Variants in B3GALT1 observed in about 807,000 individuals in gnomAD.
B3GALT1 encodes the protein beta-1,3-galactosyltransferase 1.
In B3GALT1, 10 loss-of-function variants were observed where a neutral mutation model predicts 23.2. That is an observed-to-expected ratio of 0.43 (90% CI 0.27 to 0.73). The LOEUF (loss-of-function observed/expected upper bound fraction) is 0.73. Among genes scored for constraint, B3GALT1 ranks in the 30% least tolerant of loss-of-function variants. The pLI, the probability that B3GALT1 is intolerant of heterozygous loss-of-function variation, is 0.21. For missense variants in B3GALT1, 299 were observed against 405.4 expected (o/e 0.74, Z 2.25); for synonymous variants, 156 against 141.5 (o/e 1.10, Z -0.73).
chr2:167,716,849 G>T (rs1022285617), intron 3 of B3GALT1, among the ~76,000 whole-genome samples: 4 of 151,890 alleles, frequency 2.6e-5, no homozygotes, highest in African/African-American at 9.7e-5. Flanking sequence ...TTTTTTGGTT[G>T]CATTTTATAG....
At chr2:167,507,204 A>G (rs1250201628) in intron 2 of B3GALT1, among the ~76,000 whole-genome samples, 1 of 152,120 alleles carries the variant, frequency 6.6e-6, no homozygotes, top group Non-Finnish European at 1.5e-5. Flanking sequence ...ATCTTGGTGA[A>G]TATTAAAAAG....
At chr2:167,731,417 C>T (rs760912747) in intron 3 of B3GALT1, among the ~76,000 whole-genome samples, 4 of 152,174 alleles carry the variant, frequency 2.6e-5, no homozygotes, top group Non-Finnish European at 4.4e-5. Flanking sequence ...TGTGTACCCC[C>T]AGGATCATCA....
intron 3 of B3GALT1, among the ~76,000 whole-genome samples, chr2:167,807,077 T>G (rs887593124): frequency 1.3e-5 from 2 of 151,554 alleles, no homozygotes; most frequent in African/African-American, 4.9e-5. Context: ...ATCCATTTCT[T>G]CTAGATTTTC....
intron 3 of B3GALT1, among the ~76,000 whole-genome samples, chr2:167,757,846 A>G (rs866013524): frequency 7.9e-5 from 12 of 152,254 alleles, no homozygotes; most frequent in Middle Eastern, 3.4e-3. Flanking sequence ...ACCCAGATGA[A>G]GGAAAAGAGC....
chr2:167,460,884 C>T (rs532946639), intron 1 of B3GALT1, among the ~76,000 whole-genome samples: 1 of 152,218 alleles, frequency 6.6e-6, no homozygotes, highest in African/African-American at 2.4e-5. Context: ...TGTGCCTTTC[C>T]CTGAGCTTGT....
At chr2:167,858,833 C>T (rs1690046973) in intron 4 of B3GALT1, among the ~76,000 whole-genome samples, 1 of 152,134 alleles carries the variant, frequency 6.6e-6, no homozygotes. Flanking sequence ...CATGTATTAT[C>T]AGTCGCTGCA....
chr2:167,739,201 T>C (rs918724141), intron 3 of B3GALT1, among the ~76,000 whole-genome samples: 1 of 152,228 alleles, frequency 6.6e-6, no homozygotes, highest in Non-Finnish European at 1.5e-5. Flanking sequence ...TTAAATTAAA[T>C]TGTTGTTTCT....
intron 1 of B3GALT1, among the ~76,000 whole-genome samples, chr2:167,359,767 CTT>C (rs34142201): frequency 0.017 from 2,497 of 146,044 alleles, 16 homozygotes; most frequent in Non-Finnish European, 0.025. Context: ...TGCCCTTCAT[CTT>C]TTTTTTTTTT....
chr2:167,352,726 G>GA (rs1337649637), intron 1 of B3GALT1, among the ~76,000 whole-genome samples: 2 of 46,836 alleles, frequency 4.3e-5, no homozygotes, highest in Non-Finnish European at 6.6e-5. Flanking sequence ...ATCTCAAAAA[G>GA]AAAAAAAAAC....
intron 4 of B3GALT1, among the ~76,000 whole-genome samples, chr2:167,849,104 T>C (rs1207697868): frequency 2.6e-5 from 4 of 152,064 alleles, no homozygotes; most frequent in African/African-American, 7.2e-5. Flanking sequence ...CGGAAACATA[T>C]CTCATGATCA....
At chr2:167,339,858 T>G (rs1697119690) in intron 1 of B3GALT1, among the ~76,000 whole-genome samples, 1 of 152,124 alleles carries the variant, frequency 6.6e-6, no homozygotes, top group African/African-American at 2.4e-5. Context: ...GGGCAGTTAC[T>G]CAATCTCCAC....
chr2:167,508,460 G>A (rs909610694), intron 2 of B3GALT1, among the ~76,000 whole-genome samples: 42 of 151,426 alleles, frequency 2.8e-4, no homozygotes, highest in African/African-American at 9.0e-4. Flanking sequence ...GGGTTTCACC[G>A]TGTTAGCCAG....
At chr2:167,294,925 T>C (rs1411845617) in intron 1 of B3GALT1, among the ~76,000 whole-genome samples, 1 of 152,240 alleles carries the variant, frequency 6.6e-6, no homozygotes, top group Non-Finnish European at 1.5e-5. Flanking sequence ...TGGGCTCATT[T>C]CTGATTTGGT....
intron 1 of B3GALT1, among the ~76,000 whole-genome samples, chr2:167,379,255 A>G (rs1470542568): frequency 4.6e-5 from 7 of 152,076 alleles, no homozygotes; most frequent in African/African-American, 9.7e-5. Context: ...TGAGAACAGC[A>G]TGGGGGAAAC....
At chr2:167,764,369 G>A (rs1687941826) in intron 3 of B3GALT1, among the ~76,000 whole-genome samples, 1 of 152,088 alleles carries the variant, frequency 6.6e-6, no homozygotes, top group Non-Finnish European at 1.5e-5. Flanking sequence ...AATAATATAA[G>A]GATCTTAGGT....
intron 1 of B3GALT1, among the ~76,000 whole-genome samples, chr2:167,415,923 A>G (rs1307540360): frequency 6.6e-6 from 1 of 152,182 alleles, no homozygotes; most frequent in East Asian, 1.9e-4. Context: ...CTGCTGCATG[A>G]CTACTTTTAA....
intron 2 of B3GALT1, among the ~76,000 whole-genome samples, chr2:167,605,721 A>G (rs781575651): frequency 6.6e-6 from 1 of 152,220 alleles, no homozygotes; most frequent in Non-Finnish European, 1.5e-5. Flanking sequence ...ATTTTACTGC[A>G]TCTTTATTTT....
chr2:167,870,155 T>A lies in B3GALT1; in HGVS notation c.*135T>A. 1 of 852,136 alleles carries A rather than the reference T, an allele frequency of 1.2e-6. No individual in the cohort carries two copies. Among genetic ancestry groups the A allele is most frequent in the South Asian group, 2.2e-5 (1 of 45,366 alleles). 52.8% of individuals were successfully genotyped at this position (852,136 alleles called of 1,614,324 possible). A position where few individuals can be genotyped will look rare whatever the true frequency, so the allele number is the denominator to read the frequency against. On this transcript the variant is annotated 3_prime_UTR_variant, in exon 5 of 5. Coordinates refer to ENST00000392690, the MANE Select transcript of B3GALT1 (RefSeq NM_020981.4). ...AGTTTTTGCTTCCTGCTATAAGTTC[T>A]TTTCTTGGATTACCAATTTATGAAT... is the stretch of plus-strand genomic sequence containing the variant.
chr2:167,307,784 G>T (rs1312476076), intron 1 of B3GALT1, among the ~76,000 whole-genome samples: 1 of 151,898 alleles, frequency 6.6e-6, no homozygotes, highest in Non-Finnish European at 1.5e-5. Context: ...CAAATTCAGA[G>T]ATTTCACTCT....
Sources: allele counts gnomAD v4.1 joint callset (sites outside exome capture counted in the v4.1 genomes callset), GRCh38; gene constraint gnomAD v4.1.1; transcripts MANE v1.5; gene names NCBI Gene and HGNC (gene_info 2026-07-23, HGNC 2026-07-21).